SOX6: variants seen among roughly 807,000 people sequenced by gnomAD.
The protein encoded by SOX6 is transcription factor SOX-6.
SOX6 carries 11 observed loss-of-function variants against 97.8 expected under a neutral mutation model. The ratio of observed to expected loss-of-function variants is 0.11; its 90% CI spans 0.07 to 0.19. The LOEUF is 0.19. SOX6 is among the 10% of genes least tolerant of loss of function. The probability of loss-of-function intolerance (pLI) is 1.00; values close to 1 mark genes in which losing one functional copy is unlikely to be tolerated. For missense variants in SOX6, 810 were observed against 1,039.5 expected (o/e 0.78, Z 3.04); for synonymous variants, 360 against 371.4 (o/e 0.97, Z 0.35).
At chr11:16,450,615 T>C (rs530470363) in intron 1 of SOX6, among the ~76,000 whole-genome samples, 6 of 152,322 alleles carry the variant, frequency 3.9e-5, no homozygotes, top group Non-Finnish European at 7.4e-5. Context: ...CATTTAACCA[T>C]CTGCACAACT....
chr11:16,244,611 G>A (rs1474393657), intron 3 of SOX6, among the ~76,000 whole-genome samples: 1 of 151,470 alleles, frequency 6.6e-6, no homozygotes, highest in Non-Finnish European at 1.5e-5. Flanking sequence ...TTGTATGTAT[G>A]GCATGAGGTA....
In SOX6 at chr11:16,610,721, C is replaced by G. The variant is rs1848386589; in HGVS notation, n.609+1360G>C. 6.6e-6 allele frequency among the ~76,000 whole-genome samples: 1 copy of G among 152,162 alleles called. No individual in the cohort carries two copies. The highest frequency in any genetic ancestry group is 1.5e-5 in the Non-Finnish European group (1 of 68,030). The stretch of plus-strand genomic sequence containing the variant: ...CTGGCTGTGTAAGAGTGACACGTGG[C>G]CCTGGGGGCGGGGGTGCCATCTAAG... On this transcript the variant is annotated intron_variant and non_coding_transcript_variant, in intron 4 of 5. Transcript: ENST00000524520. This position sits in a 1 kb window ranked among gnomAD's most constrained non-coding sequence, Gnocchi z 4.4.
chr11:16,493,384 C>T (rs539489725), intron 4 of SOX6, among the ~76,000 whole-genome samples: 1 of 152,252 alleles, frequency 6.6e-6, no homozygotes, highest in Non-Finnish European at 1.5e-5. Context: ...ACAGATCCAA[C>T]AGTGTGTTGT....
intron 6 of SOX6, among the ~76,000 whole-genome samples, chr11:16,155,180 A>G (rs1447261287): frequency 6.6e-6 from 1 of 152,178 alleles, no homozygotes; most frequent in Non-Finnish European, 1.5e-5. Context: ...TGAAAGATAC[A>G]TCACATAGTG....
At chr11:16,571,598 T>C (rs1393017635) in intron 4 of SOX6, among the ~76,000 whole-genome samples, 1 of 151,472 alleles carries the variant, frequency 6.6e-6, no homozygotes, top group Non-Finnish European at 1.5e-5. Flanking sequence ...ACCCAGCCTC[T>C]ACATTCAGTT....
rs534368113 is a variant in SOX6, at chr11:16,299,422, AT to A, written c.445+19023del. Among the ~76,000 whole-genome samples the A allele has an allele frequency of 4.9e-4, 75 of 151,926 alleles. 2 individuals carry two copies. The South Asian group carries it at 0.015, about 30-fold the overall frequency. On this transcript the variant is annotated intron_variant, in intron 3 of 15. Transcript: ENST00000683767. ...AATTTGACTCCTTATATGAGCCCAG[AT>A]TTTTTTTATAAAAAACGGGGGAGGG...
intron 4 of SOX6, among the ~76,000 whole-genome samples, chr11:16,595,574 C>T (rs1026385112): frequency 6.7e-6 from 1 of 149,844 alleles, no homozygotes. Context: ...AGTTCAAGAC[C>T]CCCCTGGGCA....
intron 4 of SOX6, among the ~76,000 whole-genome samples, chr11:16,486,650 C>T (rs1307496227): frequency 6.6e-6 from 1 of 152,054 alleles, no homozygotes; most frequent in Non-Finnish European, 1.5e-5. Flanking sequence ...CACTTGAGGT[C>T]AGAAGTTTGA....
At chr11:16,150,615 T>C (rs1351447971) in intron 6 of SOX6, among the ~76,000 whole-genome samples, 1 of 152,152 alleles carries the variant, frequency 6.6e-6, no homozygotes, top group Non-Finnish European at 1.5e-5. Context: ...ACTTACAACA[T>C]AGCCAGCCAT....
intron 1 of SOX6, among the ~76,000 whole-genome samples, chr11:16,382,776 G>A (rs1857863191): frequency 6.6e-6 from 1 of 151,872 alleles, no homozygotes; most frequent in Non-Finnish European, 1.5e-5. Flanking sequence ...AATGAAGTTA[G>A]AGAGTTCAAT....
intron 2 of SOX6, among the ~76,000 whole-genome samples, chr11:16,716,107 A>G (rs2134050696): frequency 6.6e-6 from 1 of 152,284 alleles, no homozygotes; most frequent in African/African-American, 2.4e-5. Context: ...ATGGTGGTGC[A>G]CACCTGTAAT....
chr11:16,346,800 T>C (rs1856788207), intron 1 of SOX6, among the ~76,000 whole-genome samples: 1 of 152,036 alleles, frequency 6.6e-6, no homozygotes, highest in Non-Finnish European at 1.5e-5. Flanking sequence ...ATGAGGTAAA[T>C]GAAATACATT....
At chr11:16,075,641 C>T (rs180843069) in intron 9 of SOX6, among the ~76,000 whole-genome samples, 1 of 152,150 alleles carries the variant, frequency 6.6e-6, no homozygotes, top group Admixed American at 6.5e-5. Context: ...GAATATCACA[C>T]ACCAAGTCCT....
At chr11:16,312,716 T>C (rs924302627) in intron 3 of SOX6, 3 of 152,212 alleles carry the variant, frequency 2.0e-5, no homozygotes, top group Non-Finnish European at 2.9e-5. Context: ...ACTCTCTGAT[T>C]AAATATATGT....
intron 3 of SOX6, among the ~76,000 whole-genome samples, chr11:16,267,463 A>G (rs1854115170): frequency 6.6e-6 from 1 of 151,644 alleles, no homozygotes; most frequent in Non-Finnish European, 1.5e-5. Context: ...ATTAATCACA[A>G]GGGAGATGCA....
chr11:16,120,577 T>TAC (rs1849464803), intron 6 of SOX6, among the ~76,000 whole-genome samples: 2 of 150,208 alleles, frequency 1.3e-5, no homozygotes, highest in South Asian at 4.2e-4. Context: ...TATATATATA[T>TAC]ATATACACAC....
chr11:15,990,930 T>A (rs1854030009), intron 13 of SOX6, among the ~76,000 whole-genome samples: 1 of 152,214 alleles, frequency 6.6e-6, no homozygotes, highest in South Asian at 2.1e-4. Context: ...AGTAGACATT[T>A]GTTTGTGTCA....
At chr11:16,054,180 G>T (rs1847755748) in intron 10 of SOX6, among the ~76,000 whole-genome samples, 1 of 152,040 alleles carries the variant, frequency 6.6e-6, no homozygotes, top group Non-Finnish European at 1.5e-5. Flanking sequence ...GACTTGGTTT[G>T]GTGCAGTTCC....
rs567565488 is a variant in SOX6 at position 16,546,584 on chromosome 11, C to T, written n.609+65497G>A. Among the ~76,000 whole-genome samples, 4 of 152,242 alleles carry T rather than the reference C, an allele frequency of 2.6e-5. No individual in the cohort carries two copies. In the East Asian group the frequency reaches 7.7e-4, roughly 29 times the overall value. On this transcript the variant is annotated intron_variant and non_coding_transcript_variant, in intron 4 of 5. Coordinates refer to the SOX6 transcript ENST00000524520. ...TATGCAGAAGAATAAAACTAGTCCC[C>T]TATCTCTCACCATATATAAAAGTCA...
Sources: gnomAD v4.1 joint callset for allele counts (sites outside exome capture counted in the v4.1 genomes callset) on GRCh38, gnomAD v4.1.1 for gene constraint, Gnocchi (gnomAD v3.1) non-coding constraint, MANE v1.5 for transcripts, NCBI Gene and HGNC (gene_info 2026-07-23, HGNC 2026-07-21) for gene names.